POU2F2: variants seen among roughly 807,000 people sequenced by gnomAD.
POU2F2 encodes the protein POU class 2 homeobox 2.
Under a neutral mutation model 63.5 loss-of-function variants are expected in POU2F2, and 14 were observed. That is an observed-to-expected ratio of 0.22 (90% CI 0.15 to 0.34). The LOEUF is 0.34. Ranked by LOEUF, POU2F2 falls within the 10% of genes least tolerant of loss-of-function variation. POU2F2 has a pLI of 1.00. For synonymous variants in POU2F2, 306 were observed against 348.6 expected (o/e 0.88, Z 1.36); for missense variants, 607 against 815.2 (o/e 0.74, Z 3.11).
At chr19:42,093,547 C>A (rs1268219903) in intron 12 of POU2F2, 1 of 368,694 alleles carries the variant, frequency 2.7e-6, no homozygotes, top group East Asian at 4.0e-5. Context: ...TGAATTCACA[C>A]AGCTTAAAAA....
intron 2 of POU2F2, among the ~76,000 whole-genome samples, chr19:42,158,327 C>T (rs1313109016): frequency 6.6e-6 from 1 of 152,154 alleles, no homozygotes; most frequent in Non-Finnish European, 1.5e-5. Context: ...CAGGTGGTCT[C>T]CGAAATCAAA....
At chr19:42,165,539 C>T (rs2034633246) in intron 1 of POU2F2, among the ~76,000 whole-genome samples, 1 of 152,168 alleles carries the variant, frequency 6.6e-6, no homozygotes, top group South Asian at 2.1e-4. Flanking sequence ...ACTGCAAGAA[C>T]AAGTGTGCAT....
At position 42,188,032 on chromosome 19, in the gene POU2F2, G is replaced by A. The variant is rs545064353; in HGVS notation, c.-70+8351C>T. Reference sequence around the variant, plus strand: ...GTGACTCACTTCTCATGAATAGAATGTGGCAAAAGTGATGGGATATTACTT... The same window carrying A: ...GTGACTCACTTCTCATGAATAGAATATGGCAAAAGTGATGGGATATTACTT... On this transcript the variant is annotated intron_variant, in intron 1 of 5. Coordinates refer to the POU2F2 transcript ENST00000532176. 7.2e-5 allele frequency among the ~76,000 whole-genome samples: 11 copies of A among 152,130 alleles called. No individual in the cohort carries two copies. In the South Asian group the frequency reaches 2.1e-3, roughly 29 times the overall value.
At chr19:42,142,592 G>A (rs932173196) in intron 2 of POU2F2, among the ~76,000 whole-genome samples, 28 of 151,864 alleles carry the variant, frequency 1.8e-4, no homozygotes, top group Admixed American at 6.6e-4. Context: ...AGACAGGGTC[G>A]TCTCACTCTG....
chr19:42,122,391 G>A lies in POU2F2; in HGVS notation c.95-13C>T, dbSNP rs2032740879. 6.2e-7 allele frequency: 1 copy of A among 1,612,860 alleles called. No homozygotes were observed. Among genetic ancestry groups the A allele is most frequent in the Non-Finnish European group, 8.5e-7 (1 of 1,179,566 alleles). On this transcript the variant is annotated splice_polypyrimidine_tract_variant and intron_variant, in intron 2 of 14. Coordinates refer to ENST00000692977, the MANE Select transcript of POU2F2 (RefSeq NM_001394376.1). ...TTTCTTTCGGTGTCTGCAAAGAGAG[G>A]GAAAGGATGTGTTGTCATCAGCCAC...
At position 42,092,257 on chromosome 19, in the gene POU2F2, G is replaced by A. The variant is rs976173329; in HGVS notation, c.1278C>T (p.Ser426=). The A allele has an allele frequency of 2.6e-6, 4 of 1,555,238 alleles. No homozygotes were observed. The African/African-American group carries it at 5.4e-5, about 21-fold the overall frequency. The stretch of plus-strand genomic sequence containing the variant: ...TGGGGTGGAGCGTCCCCACAGCTGA[G>A]GATAAGGTAGTAACTGCCAGAGAGA... ...SSLSTTVTTL[S]SAVGTLHPSR... is the part of the protein sequence containing the mutation. The change falls in exon 13 of 15, where the codon TCC becomes TCT. Residue 426 remains serine, a synonymous_variant. Coordinates refer to ENST00000692977, the MANE Select transcript of POU2F2 (RefSeq NM_001394376.1). The surrounding 1 kb of genome is among the most constrained non-coding windows in gnomAD (Gnocchi z 5.0).
chr19:42,112,311 T>C (rs1269744444), intron 5 of POU2F2, among the ~76,000 whole-genome samples: 1 of 152,234 alleles, frequency 6.6e-6, no homozygotes, highest in Admixed American at 6.5e-5. Flanking sequence ...CAGGTAGGGC[T>C]GACCTTGCCT....
chr19:42,184,780 G>A (rs1218822842), intron 1 of POU2F2, among the ~76,000 whole-genome samples: 2 of 152,036 alleles, frequency 1.3e-5, no homozygotes, highest in African/African-American at 2.4e-5. Context: ...GCTCTGTCTG[G>A]GCTGCTCTCC....
At chr19:42,185,553 T>C (rs1335132804) in intron 1 of POU2F2, among the ~76,000 whole-genome samples, 1 of 152,164 alleles carries the variant, frequency 6.6e-6, no homozygotes, top group East Asian at 1.9e-4. Flanking sequence ...ACCACTTCCT[T>C]GAATCTGCCC....
At chr19:42,160,175 G>A (rs1306140814) in intron 2 of POU2F2, among the ~76,000 whole-genome samples, 1 of 152,122 alleles carries the variant, frequency 6.6e-6, no homozygotes, top group Non-Finnish European at 1.5e-5. Flanking sequence ...TGGAGGGTGA[G>A]AACAAAGCAG....
chr19:42,116,909 C>T (rs1016674249), intron 5 of POU2F2: 2 of 516,370 alleles, frequency 3.9e-6, no homozygotes, highest in African/African-American at 1.9e-5. Context: ...GCGTTAGCGG[C>T]AGCGGCGGCA....
At chr19:42,168,811 G>A (rs929465071) in intron 1 of POU2F2, among the ~76,000 whole-genome samples, 3 of 152,206 alleles carry the variant, frequency 2.0e-5, no homozygotes, top group Non-Finnish European at 4.4e-5. Flanking sequence ...TCTGTGTGTT[G>A]TGCCTGATGT....
chr19:42,195,234 G>A (rs949057355), intron 1 of POU2F2, among the ~76,000 whole-genome samples: 4 of 151,826 alleles, frequency 2.6e-5, no homozygotes, highest in Admixed American at 6.5e-5. Flanking sequence ...ATCCCCCAGC[G>A]TCCCTGCTGT....
chr19:42,136,126 A>G (rs189812206), upstream of POU2F2, among the ~76,000 whole-genome samples: 14 of 151,052 alleles, frequency 9.3e-5, no homozygotes, highest in East Asian at 2.7e-3. Context: ...CTTAAAATAT[A>G]TCTTCCTCTT....
Position 42,091,870 on chromosome 19 carries a change from G to A in POU2F2, c.1537C>T (p.Gln513Ter). 6.5e-7 allele frequency: 1 copy of A among 1,538,838 alleles called. No homozygotes were observed. The highest frequency in any genetic ancestry group is 8.7e-7 in the Non-Finnish European group (1 of 1,146,906). Reference sequence around the variant, plus strand: ...TGTGACATGAGGCAGCACGCACCTTGGATAGTGGCCAAAGGGTTGTTGCTC... The same window carrying A: ...TGTGACATGAGGCAGCACGCACCTTAGATAGTGGCCAAAGGGTTGTTGCTC... ...LMSNNPLATI[Q>*]ALASGGTLPL... The change falls in exon 14 of 15, where the codon CAA (glutamine) becomes TAA (stop). Residue 513 changes from glutamine to a stop codon, truncating the protein, a stop_gained. Transcript: ENST00000692977. LOFTEE classifies it high-confidence loss of function.
chr19:42,116,703 C>T (rs1241882230), intron 5 of POU2F2: 3 of 324,234 alleles, frequency 9.3e-6, no homozygotes, highest in Non-Finnish European at 1.8e-5. Flanking sequence ...CAGTGGCTGC[C>T]CTTACCTGTG....
rs371016879 is a variant in POU2F2 at position 42,091,503 on chromosome 19, G to A, written c.1629C>T (p.Ser543=). The change falls in exon 15 of 15, where the codon AGC becomes AGT. Residue 543 remains serine, a synonymous_variant. Coordinates refer to ENST00000692977, the MANE Select transcript of POU2F2 (RefSeq NM_001394376.1). Reference sequence around the variant, plus strand: ...AGAGCGGCGAGGTCACCAGGCCAGGGCTCCCCGGGGCTGCACCGGCTGCCC... The same window carrying A: ...AGAGCGGCGAGGTCACCAGGCCAGGACTCCCCGGGGCTGCACCGGCTGCCC... The part of the protein sequence containing the change: ...VLGAAGAAPG[S]PGLVTSPLFL... 518 of 1,547,790 alleles carry A rather than the reference G, an allele frequency of 3.3e-4. No homozygotes were observed. Among genetic ancestry groups the A allele is most frequent in the Non-Finnish European group, 3.7e-4 (427 of 1,144,452 alleles).
chr19:42,094,901 C>T (rs2076860639), intron 11 of POU2F2, among the ~76,000 whole-genome samples: 1 of 152,172 alleles, frequency 6.6e-6, no homozygotes, highest in Non-Finnish European at 1.5e-5. Flanking sequence ...TAGCTGTGGA[C>T]CTGAGAGTAC....
At position 42,092,186 on chromosome 19, in the gene POU2F2, G is replaced by C. The variant is rs1816648116; in HGVS notation, c.1349C>G (p.Pro450Arg). The C allele has an allele frequency of 1.3e-6, 2 of 1,567,884 alleles. No individual in the cohort carries two copies. The highest frequency in any genetic ancestry group is 1.4e-5 in the African/African-American group (1 of 73,954). The part of the protein sequence containing the change: ...GGGGGGGAAP[P>R]LNSIPSVTPP... ...AGTGACAGAGGGGATGGAATTGAGG[G>C]GGGGCGCAGCCCCGCCCCCGCCCCC... Residue 450 changes from proline to arginine, a missense_variant, in exon 13 of 15, where the codon CCC becomes CGC. Physicochemically the swap from Pro to Arg is moderately radical, Grantham distance 103. This residue lies in a region of POU2F2 where 270 missense variants were observed against 307.5 expected (regional missense o/e 0.88). Coordinates refer to ENST00000692977, the MANE Select transcript of POU2F2 (RefSeq NM_001394376.1). The surrounding 1 kb of genome is among the most constrained non-coding windows in gnomAD (Gnocchi z 5.0).
Sources: gnomAD v4.1 joint callset for allele counts (sites outside exome capture counted in the v4.1 genomes callset) on GRCh38, gnomAD v4.1.1 for gene constraint, gnomAD v4.1.1 regional missense constraint, Gnocchi (gnomAD v3.1) non-coding constraint, MANE v1.5 for transcripts, NCBI Gene and HGNC (gene_info 2026-07-23, HGNC 2026-07-21) for gene names.